The following ARHGAP22 variants were observed in gnomAD, a reference collection of about 807,000 sequenced individuals.
ARHGAP22 encodes rho GTPase-activating protein 22.
Under a neutral mutation model 59.1 loss-of-function variants are expected in ARHGAP22, and 48 were observed. The observed-to-expected ratio is 0.81, with a 90% CI of 0.64 to 1.03. ARHGAP22 has a LOEUF of 1.03. Among genes scored for constraint, ARHGAP22 ranks in the 50% least tolerant of loss-of-function variants. The pLI, the probability that ARHGAP22 is intolerant of heterozygous loss-of-function variation, is 0.00. For missense variants in ARHGAP22, 1,015 were observed against 958.7 expected, an observed-to-expected ratio of 1.06 and a Z score of -0.78; for synonymous variants, 445 against 416.4, an observed-to-expected ratio of 1.07 and a Z score of -0.84.
At chr10:48,631,736 A>G (rs2061635448) in intron 1 of ARHGAP22, among the ~76,000 whole-genome samples, 3 of 152,150 alleles carry the variant, frequency 2.0e-5, no homozygotes, top group Admixed American at 1.3e-4. Flanking sequence ...TATTGTTGCT[A>G]TTGTTACTTG....
At chr10:48,582,147 T>C (rs917394979) in intron 2 of ARHGAP22, among the ~76,000 whole-genome samples, 4 of 152,098 alleles carry the variant, frequency 2.6e-5, no homozygotes, top group African/African-American at 9.7e-5. Flanking sequence ...GTGAACCAGG[T>C]CCCTTCCCAG....
intron 3 of ARHGAP22, among the ~76,000 whole-genome samples, chr10:48,498,441 G>A (rs972617028): frequency 4.6e-5 from 7 of 152,124 alleles, no homozygotes; most frequent in Non-Finnish European, 8.8e-5. Flanking sequence ...AGGAGCCAGT[G>A]AAGTGAAGTG....
chr10:48,600,450 G>A (rs145801650), intron 1 of ARHGAP22, among the ~76,000 whole-genome samples: 104 of 151,812 alleles, frequency 6.9e-4, no homozygotes, highest in African/African-American at 2.4e-3. Context: ...TGGTCACTGA[G>A]AGAACACTTA....
intron 1 of ARHGAP22, among the ~76,000 whole-genome samples, chr10:48,593,186 A>G (rs1382010819): frequency 2.0e-5 from 3 of 152,196 alleles, no homozygotes; most frequent in African/African-American, 7.2e-5. Context: ...TTACTTTTTC[A>G]ACGACACCTC....
intron 1 of ARHGAP22, among the ~76,000 whole-genome samples, chr10:48,601,323 C>T (rs61072239): frequency 0.051 from 7,709 of 152,246 alleles, 413 homozygotes; most frequent in East Asian, 0.13. Context: ...GGTCAGTTGA[C>T]CTCTGGGCTG....
Position 48,450,563 on chromosome 10 carries a change from C to T in ARHGAP22, c.1566G>A (p.Val522=). 1.3e-6 allele frequency: 2 copies of T among 1,529,574 alleles called. No homozygotes were observed. The highest frequency in any genetic ancestry group is 1.2e-5 in the South Asian group (1 of 81,338). The allele number at this position is 1,529,574 out of a possible 1,614,324, so 94.8% of individuals were successfully genotyped here. A position where few individuals can be genotyped will look rare whatever the true frequency, so the allele number is the denominator to read the frequency against. ...CCGTGCAGCTGCTGAGTGAGCCCCC[C>T]ACCGACGACTCGCTGGACGAGGCCC... ...WSGASSSESS[V]GGSLSSCTAC... Residue 522 remains valine, a synonymous_variant, in exon 9 of 10, where the codon GTG becomes GTA. Transcript: ENST00000249601.
chr10:48,489,934 C>A (rs928106570), intron 3 of ARHGAP22, among the ~76,000 whole-genome samples: 1 of 152,088 alleles, frequency 6.6e-6, no homozygotes, highest in African/African-American at 2.4e-5. Context: ...GGGGTTTCAC[C>A]GTGTTAGCCA....
chr10:48,527,040 C>T (rs2054389237), intron 3 of ARHGAP22, among the ~76,000 whole-genome samples: 1 of 152,212 alleles, frequency 6.6e-6, no homozygotes, highest in Admixed American at 6.5e-5. Context: ...CAAAGGTTAT[C>T]TCAGTTAACC....
intron 1 of ARHGAP22, among the ~76,000 whole-genome samples, chr10:48,590,426 G>C (rs911966737): frequency 2.0e-5 from 3 of 152,062 alleles, no homozygotes; most frequent in Non-Finnish European, 2.9e-5. Context: ...CTCGGTTGTG[G>C]TGGGGGCAAG....
intron 2 of ARHGAP22, chr10:48,575,786 A>C (rs2058673337): frequency 6.6e-6 from 1 of 152,166 alleles, no homozygotes; most frequent in Non-Finnish European, 1.5e-5. Context: ...TGTGGATTCC[A>C]AACTCCACCT....
At chr10:48,454,697 G>A (rs2133679678) in intron 6 of ARHGAP22, among the ~76,000 whole-genome samples, 1 of 152,288 alleles carries the variant, frequency 6.6e-6, no homozygotes, top group South Asian at 2.1e-4. Context: ...GGGAGTGTGA[G>A]CACCTACTGG....
chr10:48,652,158 G>T, intron 1 of ARHGAP22: 1 of 1,389,826 alleles, frequency 7.2e-7, no homozygotes, highest in Non-Finnish European at 9.9e-7. Context: ...GACAGCCTCC[G>T]GGGACCCCAT....
chr10:48,509,775 C>G (rs529167017), intron 3 of ARHGAP22, among the ~76,000 whole-genome samples: 1 of 152,188 alleles, frequency 6.6e-6, no homozygotes, highest in Non-Finnish European at 1.5e-5. Context: ...CCTGCTACTC[C>G]GGATTTCCAG....
intron 1 of ARHGAP22, among the ~76,000 whole-genome samples, chr10:48,639,895 G>T (rs1304844650): frequency 6.6e-6 from 1 of 151,930 alleles, no homozygotes; most frequent in African/African-American, 2.4e-5. Context: ...GCCAGATTTT[G>T]GATTTAACAG....
downstream of ARHGAP22, among the ~76,000 whole-genome samples, chr10:48,443,364 G>C (rs1589372019): frequency 6.6e-6 from 1 of 152,258 alleles, no homozygotes; most frequent in East Asian, 1.9e-4. Context: ...TAGGCCCTCA[G>C]AGTATCTGGC....
At chr10:48,598,870 T>C (rs148751811) in intron 1 of ARHGAP22, among the ~76,000 whole-genome samples, 259 of 152,330 alleles carry the variant, frequency 1.7e-3, no homozygotes, top group African/African-American at 5.9e-3. Context: ...TCTTGCTGCC[T>C]GGATCCAAGC....
intron 5 of ARHGAP22, among the ~76,000 whole-genome samples, chr10:48,458,476 G>A (rs2046800330): frequency 6.6e-6 from 1 of 152,158 alleles, no homozygotes. Flanking sequence ...AAGCTTGGCA[G>A]TGTGGGTGAG....
upstream of ARHGAP22, among the ~76,000 whole-genome samples, chr10:48,607,357 C>T (rs74608844): frequency 0.06 from 9,112 of 152,222 alleles, 893 homozygotes; most frequent in African/African-American, 0.21. Flanking sequence ...AGTTGATCTA[C>T]GTTCTGCGTC....
At chr10:48,482,648 T>C (rs1435568377) in intron 3 of ARHGAP22, among the ~76,000 whole-genome samples, 1 of 147,316 alleles carries the variant, frequency 6.8e-6, no homozygotes, top group African/African-American at 2.7e-5. Context: ...TGCTGAGAGG[T>C]TTTTTTTATT....
Sources: allele counts gnomAD v4.1 joint callset (sites outside exome capture counted in the v4.1 genomes callset), GRCh38; gene constraint gnomAD v4.1.1; transcripts MANE v1.5; gene names NCBI Gene and HGNC (gene_info 2026-07-23, HGNC 2026-07-21).